The following SBF2 variants were observed in gnomAD, a reference collection of about 807,000 sequenced individuals.
SBF2 encodes SET binding factor 2.
A neutral mutation model predicts 225.2 loss-of-function variants in SBF2; 112 were observed. The ratio of observed to expected loss-of-function variants is 0.50; its 90% confidence interval spans 0.43 to 0.58. The LOEUF (loss-of-function observed/expected upper bound fraction) is 0.58, where lower values mean the gene tolerates loss of function less well. Among genes scored for constraint, SBF2 ranks in the 20% least tolerant of loss-of-function variants. SBF2 has a pLI of 0.00. For synonymous variants in SBF2, 763 were observed against 773.3 expected, an observed-to-expected ratio of 0.99 and a Z score of 0.22; for missense variants, 1,996 against 2,206.2, an observed-to-expected ratio of 0.90 and a Z score of 1.91.
At chr11:10,140,496 C>A (rs1464853176) in intron 2 of SBF2, among the ~76,000 whole-genome samples, 4 of 152,322 alleles carry the variant, frequency 2.6e-5, no homozygotes, top group Admixed American at 2.6e-4. Context: ...GTGTGCCTAA[C>A]TGGGGCAGGG....
intron 24 of SBF2, among the ~76,000 whole-genome samples, chr11:9,845,262 G>C (rs1856456897): frequency 1.3e-5 from 2 of 152,142 alleles, no homozygotes; most frequent in African/African-American, 4.8e-5. Flanking sequence ...GAAGGGATTG[G>C]TCAAAAGCAT....
intron 28 of SBF2, among the ~76,000 whole-genome samples, chr11:9,826,154 A>C (rs1274431627): frequency 1.3e-5 from 2 of 152,244 alleles, no homozygotes; most frequent in African/African-American, 4.8e-5. Flanking sequence ...GGGTCCAAAA[A>C]GCAACCATCA....
At chr11:9,878,252 C>T (rs1417310128) in intron 17 of SBF2, among the ~76,000 whole-genome samples, 1 of 151,956 alleles carries the variant, frequency 6.6e-6, no homozygotes, top group Non-Finnish European at 1.5e-5. Context: ...TTGTTTTTTT[C>T]TCGTAAATTT....
At chr11:9,931,528 G>C (rs11042551) in intron 16 of SBF2, among the ~76,000 whole-genome samples, 2,029 of 152,302 alleles carry the variant, frequency 0.013, 49 homozygotes, top group African/African-American at 0.045. Flanking sequence ...CACACCTGCA[G>C]CTGAGGGACC....
At chr11:10,183,246 G>C (rs1804228934) in intron 2 of SBF2, among the ~76,000 whole-genome samples, 1 of 152,076 alleles carries the variant, frequency 6.6e-6, no homozygotes, top group South Asian at 2.1e-4. Context: ...TGCTTAAAGC[G>C]TCCCACATCC....
chr11:10,065,483 A>AT (rs1309879800), intron 2 of SBF2, among the ~76,000 whole-genome samples: 1 of 152,156 alleles, frequency 6.6e-6, no homozygotes, highest in Non-Finnish European at 1.5e-5. Flanking sequence ...GTTCTTTGAG[A>AT]TAAAAAAAAC....
At chr11:10,183,030 C>G (rs1418848748) in intron 2 of SBF2, among the ~76,000 whole-genome samples, 2 of 152,118 alleles carry the variant, frequency 1.3e-5, no homozygotes, top group Non-Finnish European at 2.9e-5. Flanking sequence ...CTCGGCCTCC[C>G]AAAGTGCTGG....
chr11:9,950,650 C>G (rs1865805726), intron 16 of SBF2, among the ~76,000 whole-genome samples: 1 of 152,140 alleles, frequency 6.6e-6, no homozygotes, highest in Admixed American at 6.5e-5. Flanking sequence ...TACTTTCAAG[C>G]TAGGTCATGA....
intron 16 of SBF2, among the ~76,000 whole-genome samples, chr11:9,924,359 A>G (rs907007958): frequency 2.4e-4 from 37 of 152,154 alleles, no homozygotes; most frequent in Admixed American, 3.3e-4. Flanking sequence ...AAGTGTTCTG[A>G]GCATGTTTAA....
At chr11:10,011,199 G>A (rs1157937347) in intron 6 of SBF2, among the ~76,000 whole-genome samples, 1 of 151,978 alleles carries the variant, frequency 6.6e-6, no homozygotes, top group Non-Finnish European at 1.5e-5. Flanking sequence ...TCTTTTTCCT[G>A]CAGTCTTAAG....
intron 16 of SBF2, among the ~76,000 whole-genome samples, chr11:9,905,945 A>G (rs1363667059): frequency 6.6e-6 from 1 of 152,154 alleles, no homozygotes; most frequent in Non-Finnish European, 1.5e-5. Context: ...TTTTATTTTA[A>G]AATACAGTCA....
intron 2 of SBF2, among the ~76,000 whole-genome samples, chr11:10,075,661 G>T (rs1951069520): frequency 6.6e-6 from 1 of 151,998 alleles, no homozygotes; most frequent in South Asian, 2.1e-4. Context: ...CTTCCTCTTT[G>T]CCCTTCTGCC....
rs956634084 is a variant in SBF2 at position 9,847,229 on chromosome 11, C to A, written c.2807-146G>T. 5.0e-5 allele frequency: 48 copies of A among 967,102 alleles called. No individual in the cohort carries two copies. The East Asian group carries it at 1.2e-3, about 24-fold the overall frequency. The allele number at this position is 967,102 out of a possible 1,614,324, so 59.9% of individuals were successfully genotyped here. On this transcript the variant is annotated intron_variant, in intron 22 of 39. Coordinates refer to ENST00000256190, the MANE Select transcript of SBF2 (RefSeq NM_030962.4). The stretch of plus-strand genomic sequence containing the variant: ...ATGCAGTGAAAGAAAGTGCCCTTCA[C>A]TCCAGAAAAGGATTATGTCTCAGGA...
At chr11:9,941,147 A>C (rs1865226683) in intron 16 of SBF2, among the ~76,000 whole-genome samples, 1 of 144,434 alleles carries the variant, frequency 6.9e-6, no homozygotes, top group Non-Finnish European at 1.5e-5. Context: ...CTGTCTCTAC[A>C]AAAAAATAAA....
chr11:10,015,275 C>A (rs1264528845), intron 6 of SBF2, among the ~76,000 whole-genome samples: 1 of 152,108 alleles, frequency 6.6e-6, no homozygotes, highest in Non-Finnish European at 1.5e-5. Flanking sequence ...TTAGTTATTT[C>A]TTGTGAGTCA....
At chr11:10,218,820 G>A (rs754425754) in intron 1 of SBF2, among the ~76,000 whole-genome samples, 1 of 152,204 alleles carries the variant, frequency 6.6e-6, no homozygotes, top group African/African-American at 2.4e-5. Flanking sequence ...TTTCCAAAAT[G>A]ATCCCCTTTG....
chr11:9,983,997 T>C (rs918579996), intron 13 of SBF2, among the ~76,000 whole-genome samples: 1 of 152,106 alleles, frequency 6.6e-6, no homozygotes, highest in Non-Finnish European at 1.5e-5. Context: ...AAACCAACCC[T>C]GGTAATATGA....
intron 17 of SBF2, among the ~76,000 whole-genome samples, chr11:9,876,711 A>G (rs1190678645): frequency 6.6e-6 from 1 of 152,216 alleles, no homozygotes; most frequent in African/African-American, 2.4e-5. Context: ...TGGCAGCCTA[A>G]GCAGACTATG....
chr11:10,258,110 T>A (rs374471874), intron 1 of SBF2, among the ~76,000 whole-genome samples: 3 of 51,714 alleles, frequency 5.8e-5, no homozygotes, highest in African/African-American at 1.5e-4. Context: ...ACACACACAC[T>A]TTTTTTTTTT....
Sources: gnomAD v4.1 joint callset for allele counts (sites outside exome capture counted in the v4.1 genomes callset) on GRCh38, gnomAD v4.1.1 for gene constraint, MANE v1.5 for transcripts, NCBI Gene and HGNC (gene_info 2026-07-23, HGNC 2026-07-21) for gene names.